CUX1: variants seen among roughly 807,000 people sequenced by gnomAD.
CUX1 encodes the protein cut like homeobox 1.
CUX1 carries 31 observed loss-of-function variants against 158.8 expected under a neutral mutation model. That is an observed-to-expected ratio of 0.20 (90% CI 0.15 to 0.26). The LOEUF (loss-of-function observed/expected upper bound fraction) is 0.26, where lower values mean the gene tolerates loss of function less well. Ranked by LOEUF, CUX1 falls within the 10% of genes least tolerant of loss-of-function variation. The pLI, the probability that CUX1 is intolerant of heterozygous loss-of-function variation, is 1.00. For synonymous variants in CUX1, 879 were observed against 862.1 expected, an observed-to-expected ratio of 1.02 and a Z score of -0.34; for missense variants, 1,589 against 2,014.6, an observed-to-expected ratio of 0.79 and a Z score of 4.04.
chr7:102,113,514 C>G (rs1831147577), intron 7 of CUX1, among the ~76,000 whole-genome samples: 1 of 152,128 alleles, frequency 6.6e-6, no homozygotes, highest in Non-Finnish European at 1.5e-5. Flanking sequence ...CCTCAGCCTC[C>G]GAAAGTGCTA....
intron 2 of CUX1, among the ~76,000 whole-genome samples, chr7:101,979,344 C>T (rs967871493): frequency 3.3e-5 from 5 of 152,194 alleles, no homozygotes; most frequent in African/African-American, 1.2e-4. Flanking sequence ...AGCGTGAATT[C>T]GGTCACGCTT....
intron 8 of CUX1, among the ~76,000 whole-genome samples, chr7:102,148,696 T>G (rs1204372849): frequency 3.4e-5 from 5 of 148,248 alleles, no homozygotes; most frequent in African/African-American, 4.9e-5. Context: ...ATGTGTTATA[T>G]ATATATAATA....
At position 102,255,833 on chromosome 7, in the gene CUX1, TTTTA is replaced by T; in HGVS notation, c.*6794_*6797del. 4.1e-6 allele frequency: 4 copies of T among 982,692 alleles called. No homozygotes were observed. The highest frequency in any genetic ancestry group is 4.8e-6 in the Non-Finnish European group (4 of 827,578). The allele number at this position is 982,692 out of a possible 1,614,324, so 60.9% of individuals were successfully genotyped here. A position where few individuals can be genotyped will look rare whatever the true frequency, so the allele number is the denominator to read the frequency against. ...CCCTTTTCCTTCTTCTTTTTTATTA[TTTTA>T]TTATTTTTTTTGTACTTTGCTTTAA... On this transcript the variant is annotated 3_prime_UTR_variant, in exon 24 of 24. Coordinates refer to ENST00000292535, the MANE Select transcript of CUX1 (RefSeq NM_181552.4).
At chr7:102,134,794 C>T (rs1225323867) in intron 8 of CUX1, among the ~76,000 whole-genome samples, 1 of 151,878 alleles carries the variant, frequency 6.6e-6, no homozygotes, top group African/African-American at 2.4e-5. Flanking sequence ...TGGGGTCTCA[C>T]TGTGTTACCC....
In CUX1 at chr7:102,250,898, C is replaced by A. The variant is rs1554539850; in HGVS notation, c.*1856C>A. 2 of 985,170 alleles carry A rather than the reference C, an allele frequency of 2.0e-6. No homozygotes were observed. The highest frequency in any genetic ancestry group is 3.5e-5 in the African/African-American group (2 of 57,190). The allele number at this position is 985,170 out of a possible 1,614,324, so 61.0% of individuals were successfully genotyped here. On this transcript the variant is annotated 3_prime_UTR_variant, in exon 24 of 24. Coordinates refer to ENST00000292535, the MANE Select transcript of CUX1 (RefSeq NM_181552.4). ...TAAGCTGTTTTATCAGTTACGGCTT[C>A]TACAAGTTTGCTAATTTAGACTTCT... is the stretch of plus-strand genomic sequence containing the variant.
At chr7:101,983,024 G>A (rs571866518) in intron 2 of CUX1, among the ~76,000 whole-genome samples, 13 of 106,794 alleles carry the variant, frequency 1.2e-4, no homozygotes, top group African/African-American at 3.5e-4. Flanking sequence ...CCTAAGGAAA[G>A]CACTAGTCAT....
At chr7:101,931,789 C>T (rs1219316805) in intron 2 of CUX1, among the ~76,000 whole-genome samples, 1 of 152,162 alleles carries the variant, frequency 6.6e-6, no homozygotes, top group Non-Finnish European at 1.5e-5. Context: ...GTCTCAAACT[C>T]CTGGGCTCAG....
chr7:102,275,124 C>T (rs1554547401), intron 16 of CUX1: 9 of 684,472 alleles, frequency 1.3e-5, no homozygotes, highest in Non-Finnish European at 2.3e-5. Context: ...AGTCAGACAC[C>T]ATGTGGCTTC....
chr7:102,151,689 C>CT (rs1164828481), intron 8 of CUX1, among the ~76,000 whole-genome samples: 1 of 130,676 alleles, frequency 7.7e-6, no homozygotes, highest in Non-Finnish European at 1.5e-5. Context: ...GATTGTGCTA[C>CT]TGCACTCCAG....
At chr7:101,946,206 A>G (rs1216086792) in intron 2 of CUX1, among the ~76,000 whole-genome samples, 1 of 152,142 alleles carries the variant, frequency 6.6e-6, no homozygotes, top group Non-Finnish European at 1.5e-5. Flanking sequence ...CGGGTCAGGA[A>G]GAGAAGGGTT....
Position 102,257,266 on chromosome 7 carries a change from A to G in CUX1, c.*8224A>G. The G allele has an allele frequency of 1.0e-6, 1 of 984,748 alleles. No individual in the cohort carries two copies. The highest frequency in any genetic ancestry group is 1.2e-6 in the Non-Finnish European group (1 of 829,836). 61.0% of individuals were successfully genotyped at this position (984,748 alleles called of 1,614,324 possible). ...CTGATTTTGTTCTCTCTTTGAAAGAAACCCTCCACCGAAACAATGGTCCCC... is the reference window on the plus strand; with the variant it reads ...CTGATTTTGTTCTCTCTTTGAAAGAGACCCTCCACCGAAACAATGGTCCCC... On this transcript the variant is annotated 3_prime_UTR_variant, in exon 24 of 24. Transcript: ENST00000292535.
At chr7:101,822,856 G>A (rs750712851) in intron 1 of CUX1, among the ~76,000 whole-genome samples, 20 of 151,204 alleles carry the variant, frequency 1.3e-4, no homozygotes, top group Non-Finnish European at 2.7e-4. Flanking sequence ...AGCTGAGATC[G>A]TGTGACTGCT....
At position 102,171,439 on chromosome 7, in the gene CUX1, GT is replaced by G. The variant is rs797042419; in HGVS notation, c.828+903del. Among the ~76,000 whole-genome samples, 1,191 of 141,698 alleles carry G rather than the reference GT, an allele frequency of 8.4e-3. 12 individuals are homozygous for G. The highest frequency in any genetic ancestry group is 0.026 in the Admixed American group (361 of 14,056). 93.0% of individuals were successfully genotyped at this position (141,698 alleles called of 152,430 possible). A position where few individuals can be genotyped will look rare whatever the true frequency, so the allele number is the denominator to read the frequency against. On this transcript the variant is annotated intron_variant, in intron 10 of 23. Coordinates refer to ENST00000292535, the MANE Select transcript of CUX1 (RefSeq NM_181552.4). ...ATTATCTCTGATCCCTCAGTTTTGG[GT>G]TTTTTTTTTTTTTCTTTTTTTTTCT... is the stretch of plus-strand genomic sequence containing the variant.
intron 1 of CUX1, among the ~76,000 whole-genome samples, chr7:101,821,635 GC>G (rs1328856802): frequency 6.9e-6 from 1 of 145,734 alleles, no homozygotes; most frequent in East Asian, 2.0e-4. Context: ...ACCGTGCCCG[GC>G]CCCTATTTTC....
At chr7:101,931,412 C>T (rs1806273874) in intron 2 of CUX1, among the ~76,000 whole-genome samples, 1 of 152,148 alleles carries the variant, frequency 6.6e-6, no homozygotes, top group African/African-American at 2.4e-5. Context: ...TACTGCATAT[C>T]CAGTACTATT....
chr7:102,222,632 G>A (rs1370997232), intron 20 of CUX1, among the ~76,000 whole-genome samples: 4 of 151,662 alleles, frequency 2.6e-5, no homozygotes, highest in South Asian at 2.1e-4. Context: ...TTAAGTCTTC[G>A]AGATTCACGC....
chr7:101,857,089 C>T (rs555205248), intron 1 of CUX1, among the ~76,000 whole-genome samples: 44 of 152,338 alleles, frequency 2.9e-4, no homozygotes, highest in African/African-American at 9.6e-4. Context: ...TGTCCTGCCC[C>T]GTACCACCCG....
chr7:102,050,519 C>T (rs1480251230), intron 3 of CUX1, among the ~76,000 whole-genome samples: 2 of 152,110 alleles, frequency 1.3e-5, no homozygotes, highest in Non-Finnish European at 1.5e-5. Flanking sequence ...CGCCAGGCCT[C>T]CCTGGGGCTC....
intron 3 of CUX1, among the ~76,000 whole-genome samples, chr7:102,052,285 T>G (rs1269956198): frequency 1.3e-5 from 2 of 152,176 alleles, no homozygotes; most frequent in Non-Finnish European, 2.9e-5. Flanking sequence ...CCCCAACCCT[T>G]GGCAACCATG....
Sources: allele counts gnomAD v4.1 joint callset (sites outside exome capture counted in the v4.1 genomes callset), GRCh38; gene constraint gnomAD v4.1.1; transcripts MANE v1.5; gene names NCBI Gene and HGNC (gene_info 2026-07-23, HGNC 2026-07-21).